Variants in WIPF2 observed in about 807,000 individuals in gnomAD.
The protein encoded by WIPF2 is WAS/WASL interacting protein family member 2.
Under a neutral mutation model 38.8 loss-of-function variants are expected in WIPF2, and 23 were observed. That is an observed-to-expected ratio of 0.59 (90% CI 0.43 to 0.84). The LOEUF is 0.84. WIPF2 is among the 40% of genes least tolerant of loss of function. WIPF2 has a pLI of 0.00. For missense variants in WIPF2, 574 were observed against 580.5 expected (o/e 0.99, Z 0.11); for synonymous variants, 210 against 223.2 (o/e 0.94, Z 0.53).
chr17:40,280,829 C>T lies in WIPF2; in HGVS notation c.*2604C>T, dbSNP rs2032531420. The T allele has an allele frequency of 6.6e-6, 1 of 152,400 alleles. No individual in the cohort carries two copies. Among genetic ancestry groups the T allele is most frequent in the Admixed American group, 6.6e-5 (1 of 15,260 alleles). 9.4% of individuals were successfully genotyped at this position (152,400 alleles called of 1,614,324 possible). A position where few individuals can be genotyped will look rare whatever the true frequency, so the allele number is the denominator to read the frequency against. On this transcript the variant is annotated 3_prime_UTR_variant, in exon 8 of 8. Transcript: ENST00000323571. ...TTGATTGTATACTTGTTGTCTTGGC[C>T]TCATGCAAAAAGGCCTGGGTCTAGA...
At chr17:40,225,027 G>C (rs1036464476) in intron 1 of WIPF2, among the ~76,000 whole-genome samples, 1 of 152,000 alleles carries the variant, frequency 6.6e-6, no homozygotes, top group African/African-American at 2.4e-5. Context: ...TAGAGTGGAT[G>C]GGGCGTTCCA....
intron 1 of WIPF2, among the ~76,000 whole-genome samples, chr17:40,227,449 C>T (rs1320671908): frequency 6.6e-6 from 1 of 152,098 alleles, no homozygotes; most frequent in Non-Finnish European, 1.5e-5. Flanking sequence ...TATCAACTCA[C>T]CTGCCAAGAA....
rs1355010992 is a variant in WIPF2 at position 40,282,209 on chromosome 17, T to C, written c.*3984T>C. 1.3e-5 allele frequency: 2 copies of C among 152,164 alleles called. No homozygotes were observed. The highest frequency in any genetic ancestry group is 2.9e-5 in the Non-Finnish European group (2 of 68,024). The allele number at this position is 152,164 out of a possible 1,614,324, so 9.4% of individuals were successfully genotyped here. The stretch of plus-strand genomic sequence containing the variant: ...ATTGTGCCTTTACTTGCATTAGATT[T>C]CTGTGCTTTCTTCCTTTCCCTCTTT... On this transcript the variant is annotated 3_prime_UTR_variant, in exon 8 of 8. Coordinates refer to ENST00000323571, the MANE Select transcript of WIPF2 (RefSeq NM_133264.5).
intron 5 of WIPF2, 68 bp from the exon 6 acceptor site, chr17:40,273,722 T>G: frequency 2.0e-6 from 2 of 977,266 alleles, no homozygotes; most frequent in Non-Finnish European, 3.3e-6. Flanking sequence ...TTAGCTCATG[T>G]GTTTCAAGTC....
intron 1 of WIPF2, among the ~76,000 whole-genome samples, chr17:40,242,602 A>G (rs543548143): frequency 4.7e-4 from 71 of 152,148 alleles, no homozygotes; most frequent in African/African-American, 1.6e-3. Flanking sequence ...GGGTTTCACC[A>G]TGTTGGCCAG....
chr17:40,250,216 CA>C (rs1226531045), intron 1 of WIPF2, among the ~76,000 whole-genome samples: 6 of 108,120 alleles, frequency 5.5e-5, no homozygotes, highest in African/African-American at 1.8e-4. Flanking sequence ...CGAATTTTAT[CA>C]TGTTTTTTTT....
chr17:40,245,816 A>G (rs985109808), intron 1 of WIPF2, among the ~76,000 whole-genome samples: 3 of 152,140 alleles, frequency 2.0e-5, no homozygotes, highest in South Asian at 2.1e-4. Flanking sequence ...GTTGAGAGCC[A>G]TTGTTCTAGA....
intron 1 of WIPF2, among the ~76,000 whole-genome samples, chr17:40,239,772 C>T (rs894984238): frequency 2.0e-5 from 3 of 149,172 alleles, no homozygotes; most frequent in African/African-American, 7.4e-5. Flanking sequence ...TCTTGGCCCA[C>T]TGCAACCTCT....
intron 1 of WIPF2, among the ~76,000 whole-genome samples, chr17:40,224,406 A>AT (rs67838907): frequency 0.28 from 25,053 of 89,182 alleles, 4,333 homozygotes; most frequent in African/African-American, 0.54. Flanking sequence ...GATTTTTTGT[A>AT]TTTTTTTTTT....
chr17:40,276,977 C>A, intron 6 of WIPF2, 106 bp from the exon 7 acceptor site: 1 of 988,808 alleles, frequency 1.0e-6, no homozygotes, highest in Non-Finnish European at 1.5e-6. Context: ...CCTCACAGTA[C>A]CTCAGAATGC....
rs1274292528 is a variant in WIPF2, at chr17:40,264,880, C to T, written c.704C>T (p.Ser235Phe). 1 of 1,614,086 alleles carries T rather than the reference C, an allele frequency of 6.2e-7. No homozygotes were observed. Among genetic ancestry groups the T allele is most frequent in the Non-Finnish European group, 8.5e-7 (1 of 1,180,056 alleles). ...CCACCCCCAGTCAAACCACCTCCTT[C>T]CCCTGTGAATATCAGAACAGGACCA... ...PAPPPVKPPP[S>F]PVNIRTGPSG... is the part of the protein sequence containing the mutation. Residue 235 changes from serine (S) to phenylalanine (F), a missense_variant, in exon 5 of 8, where the codon TCC (serine) becomes TTC (phenylalanine). Physicochemically the swap from Ser to Phe is radical, Grantham distance 155 (BLOSUM62 -2). Coordinates refer to ENST00000323571, the MANE Select transcript of WIPF2 (RefSeq NM_133264.5).
intron 1 of WIPF2, among the ~76,000 whole-genome samples, chr17:40,222,618 C>G (rs1196940316): frequency 7.2e-6 from 1 of 139,504 alleles, no homozygotes; most frequent in Non-Finnish European, 1.6e-5. Flanking sequence ...TGCGTGCCAG[C>G]CAGGGAAGAA....
rs533977866 is a variant in WIPF2 at position 40,265,849 on chromosome 17, G to A, written c.970+703G>A. On this transcript the variant is annotated intron_variant, in intron 5 of 7. Transcript: ENST00000323571. ...TTAACTCCTATGTTGAGAACAGACC[G>A]CAGGAGGACAAAGGTGACAAAAGGA... Among the ~76,000 whole-genome samples, 4 of 152,244 alleles carry A rather than the reference G, an allele frequency of 2.6e-5. No individual in the cohort carries two copies. In the East Asian group the frequency reaches 7.7e-4, roughly 29 times the overall value.
At chr17:40,232,181 T>A (rs994189576) in intron 1 of WIPF2, among the ~76,000 whole-genome samples, 4 of 100,632 alleles carry the variant, frequency 4.0e-5, no homozygotes, top group African/African-American at 2.6e-4. Flanking sequence ...CCTGGCTAAT[T>A]TTTTTTTTTT....
At position 40,256,527 on chromosome 17, in the gene WIPF2, G is replaced by A; in HGVS notation, c.63+5G>A. 6.2e-7 allele frequency: 1 copy of A among 1,604,382 alleles called. No individual in the cohort carries two copies. Among genetic ancestry groups the A allele is most frequent in the African/African-American group, 1.3e-5 (1 of 74,452 alleles). ...CCACCTCCCACATTTCATCAGGTAG[G>A]TAGTCCTTCCATTAGGCTATCTCAA... On this transcript the variant is annotated splice_donor_5th_base_variant and intron_variant, in intron 2 of 7. Transcript: ENST00000323571.
chr17:40,234,457 A>C (rs1943698368), intron 1 of WIPF2, among the ~76,000 whole-genome samples: 1 of 152,006 alleles, frequency 6.6e-6, no homozygotes, highest in South Asian at 2.1e-4. Context: ...ACAAACAAAA[A>C]AAACAACCGG....
chr17:40,284,001 G>A lies in WIPF2; in HGVS notation c.*5776G>A, dbSNP rs2143038634. On this transcript the variant is annotated 3_prime_UTR_variant, in exon 8 of 8. Transcript: ENST00000323571. Reference sequence around the variant, plus strand: ...ATAATTTAGATATAAAAACCTATGAGGATGAGGGAGGGAGGGGAAGAAAAA... The same window carrying A: ...ATAATTTAGATATAAAAACCTATGAAGATGAGGGAGGGAGGGGAAGAAAAA... 6.6e-6 allele frequency: 1 copy of A among 152,208 alleles called. No individual in the cohort carries two copies. The highest frequency in any genetic ancestry group is 2.4e-5 in the African/African-American group (1 of 41,512). The allele number at this position is 152,208 out of a possible 1,614,324, so 9.4% of individuals were successfully genotyped here.
chr17:40,270,803 T>G (rs922233119), intron 5 of WIPF2, among the ~76,000 whole-genome samples: 5 of 152,066 alleles, frequency 3.3e-5, no homozygotes, highest in African/African-American at 1.2e-4. Context: ...GAACAAAGCT[T>G]GGAAACAGTG....
In WIPF2 at chr17:40,278,274, TCTC is replaced by T. The variant is rs779951518; in HGVS notation, c.*50_*52del. On this transcript the variant is annotated 3_prime_UTR_variant, in exon 8 of 8. Coordinates refer to ENST00000323571, the MANE Select transcript of WIPF2 (RefSeq NM_133264.5). ...AGGAAAAGGATGGACCTTCTCTTCT[TCTC>T]AGATGGTCCCTTCCATTCCCCTGAA... 1.9e-5 allele frequency: 30 copies of T among 1,596,990 alleles called. No individual in the cohort carries two copies. In the Admixed American group the frequency reaches 4.9e-4, roughly 26 times the overall value.
Sources: allele counts gnomAD v4.1 joint callset (sites outside exome capture counted in the v4.1 genomes callset), GRCh38; gene constraint gnomAD v4.1.1; transcripts MANE v1.5; gene names NCBI Gene and HGNC (gene_info 2026-07-23, HGNC 2026-07-21).